KCNIP4: variants seen among roughly 807,000 people sequenced by gnomAD.
KCNIP4 encodes Kv channel-interacting protein 4.
In KCNIP4, 12 loss-of-function variants were observed where a neutral mutation model predicts 34.0. The observed-to-expected ratio is 0.35, with a 90% CI of 0.23 to 0.57. The LOEUF is 0.57. Ranked by LOEUF, KCNIP4 falls within the 20% of genes least tolerant of loss-of-function variation. KCNIP4 has a pLI of 0.83. For missense variants in KCNIP4, 238 were observed against 311.7 expected (o/e 0.76, Z 1.78); for synonymous variants, 124 against 102.2 (o/e 1.21, Z -1.29).
intron 1 of KCNIP4, among the ~76,000 whole-genome samples, chr4:21,437,993 A>G (rs1727103718): frequency 6.6e-6 from 1 of 151,858 alleles, no homozygotes; most frequent in Non-Finnish European, 1.5e-5. Context: ...TCATACATGT[A>G]AACTCTGTTT....
intron 1 of KCNIP4, among the ~76,000 whole-genome samples, chr4:21,593,451 T>C (rs1742381214): frequency 6.6e-6 from 1 of 152,074 alleles, no homozygotes. Context: ...TTCTCATCCT[T>C]AATTAGAATT....
chr4:21,925,713 A>G (rs911432549), intron 1 of KCNIP4, among the ~76,000 whole-genome samples: 1 of 152,142 alleles, frequency 6.6e-6, no homozygotes, highest in Non-Finnish European at 1.5e-5. Context: ...GCAGTCTTTA[A>G]CGACAACCAT....
intron 1 of KCNIP4, among the ~76,000 whole-genome samples, chr4:21,031,498 C>A (rs1181482808): frequency 6.6e-6 from 1 of 152,118 alleles, no homozygotes; most frequent in Non-Finnish European, 1.5e-5. Context: ...ATTGGTAAAA[C>A]AAACAAGAGA....
chr4:21,444,116 A>T (rs1268231326), intron 1 of KCNIP4, among the ~76,000 whole-genome samples: 1 of 152,156 alleles, frequency 6.6e-6, no homozygotes, highest in Admixed American at 6.5e-5. Context: ...CAGGCTCTGA[A>T]ATTGAGGCAA....
At chr4:21,391,994 T>C (rs139760778) in intron 1 of KCNIP4, among the ~76,000 whole-genome samples, 7 of 152,284 alleles carry the variant, frequency 4.6e-5, no homozygotes, top group Admixed American at 3.9e-4. Context: ...ATAGTATCAT[T>C]AACTTTTATC....
chr4:21,381,153 A>T (rs1310249114), intron 1 of KCNIP4, among the ~76,000 whole-genome samples: 1 of 152,182 alleles, frequency 6.6e-6, no homozygotes, highest in Non-Finnish European at 1.5e-5. Flanking sequence ...TCGGTGTGAG[A>T]GAAGGGACGA....
At chr4:21,080,919 G>A (rs114134763) in intron 1 of KCNIP4, among the ~76,000 whole-genome samples, 2,917 of 151,878 alleles carry the variant, frequency 0.019, 142 homozygotes, top group African/African-American at 0.065. Flanking sequence ...ATAAAAACCC[G>A]AAGAGTAGCA....
intron 1 of KCNIP4, among the ~76,000 whole-genome samples, chr4:21,787,407 A>G (rs573562081): frequency 1.3e-5 from 2 of 152,252 alleles, no homozygotes; most frequent in Admixed American, 6.5e-5. Flanking sequence ...CTCCTCCTCA[A>G]TGAAGCCTGG....
At chr4:21,668,726 T>C (rs907858799) in intron 1 of KCNIP4, among the ~76,000 whole-genome samples, 2 of 152,202 alleles carry the variant, frequency 1.3e-5, no homozygotes, top group Non-Finnish European at 2.9e-5. Flanking sequence ...AACCTTAACA[T>C]TTTATATTTC....
chr4:21,278,467 A>G (rs527585286), intron 1 of KCNIP4, among the ~76,000 whole-genome samples: 2 of 152,244 alleles, frequency 1.3e-5, no homozygotes, highest in Admixed American at 1.3e-4. Context: ...TTCCTGAATT[A>G]GTATGCTAAG....
intron 1 of KCNIP4, among the ~76,000 whole-genome samples, chr4:21,566,592 C>T: frequency 6.6e-6 from 1 of 152,274 alleles, no homozygotes; most frequent in South Asian, 2.1e-4. Flanking sequence ...GTTTATGGAA[C>T]TGTCAGCCAA....
chr4:20,785,442 G>A (rs1445031206), intron 3 of KCNIP4, among the ~76,000 whole-genome samples: 1 of 151,460 alleles, frequency 6.6e-6, no homozygotes, highest in Non-Finnish European at 1.5e-5. Context: ...TTAGGAAGCT[G>A]GTGTTCGTGT....
intron 1 of KCNIP4, among the ~76,000 whole-genome samples, chr4:21,406,111 A>G (rs1723967623): frequency 6.6e-6 from 1 of 152,192 alleles, no homozygotes; most frequent in Non-Finnish European, 1.5e-5. Flanking sequence ...TTAGGATTAC[A>G]GGCATGAGCC....
chr4:21,310,411 A>G (rs1430412937), intron 1 of KCNIP4, among the ~76,000 whole-genome samples: 3 of 152,004 alleles, frequency 2.0e-5, no homozygotes, highest in Non-Finnish European at 4.4e-5. Context: ...TGCTCCTGGA[A>G]AGTTTCTTCC....
intron 1 of KCNIP4, among the ~76,000 whole-genome samples, chr4:21,559,940 ATTCATTTCTCATGGAATT>A (rs1216375547): frequency 6.6e-6 from 1 of 152,088 alleles, no homozygotes; most frequent in African/African-American, 2.4e-5. Flanking sequence ...CTTTTAATTT[ATTCATTTCTCATGGAATT>A]ATTTCCTCTT....
intron 1 of KCNIP4, among the ~76,000 whole-genome samples, chr4:21,499,897 T>C (rs765954301): frequency 7.9e-5 from 12 of 152,164 alleles, no homozygotes; most frequent in Non-Finnish European, 1.3e-4. Context: ...TTTATTACCA[T>C]CTTTCTCTCA....
intron 1 of KCNIP4, among the ~76,000 whole-genome samples, chr4:21,484,596 T>A (rs1731752369): frequency 6.6e-6 from 1 of 152,100 alleles, no homozygotes; most frequent in East Asian, 1.9e-4. Context: ...GGGTTGAGGG[T>A]TGTTTGGTCG....
At chr4:21,929,705 C>T (rs985622921) in intron 1 of KCNIP4, among the ~76,000 whole-genome samples, 1 of 152,116 alleles carries the variant, frequency 6.6e-6, no homozygotes, top group Non-Finnish European at 1.5e-5. Flanking sequence ...CCTGCTCTCC[C>T]ACATCTCCTT....
intron 1 of KCNIP4, among the ~76,000 whole-genome samples, chr4:21,094,553 C>G (rs939777557): frequency 6.6e-6 from 1 of 152,066 alleles, no homozygotes; most frequent in South Asian, 2.1e-4. Flanking sequence ...TGCCAGGGTC[C>G]CCTAGATGGT....
Sources: allele counts gnomAD v4.1 joint callset (sites outside exome capture counted in the v4.1 genomes callset), GRCh38; gene constraint gnomAD v4.1.1; transcripts MANE v1.5; gene names NCBI Gene and HGNC (gene_info 2026-07-23, HGNC 2026-07-21).